The following AGBL4 variants were observed in gnomAD, a reference collection of about 807,000 sequenced individuals.
AGBL4 encodes cytosolic carboxypeptidase 6.
A neutral mutation model predicts 66.4 loss-of-function variants in AGBL4; 58 were observed. The observed-to-expected ratio is 0.87, with a 90% CI of 0.71 to 1.09. AGBL4 has a LOEUF of 1.09. AGBL4 is among the 50% of genes least tolerant of loss of function. The pLI is 0.00. For synonymous variants in AGBL4, 234 were observed against 222.9 expected, an observed-to-expected ratio of 1.05 and a Z score of -0.44; for missense variants, 579 against 631.0, an observed-to-expected ratio of 0.92 and a Z score of 0.88.
intron 3 of AGBL4, among the ~76,000 whole-genome samples, chr1:49,320,772 C>T (rs1645118603): frequency 6.6e-6 from 1 of 152,114 alleles, no homozygotes; most frequent in South Asian, 2.1e-4. Context: ...TATAAAGATA[C>T]TACCTGAGAC....
chr1:48,748,003 A>G (rs979111265), intron 6 of AGBL4, among the ~76,000 whole-genome samples: 2 of 152,132 alleles, frequency 1.3e-5, no homozygotes, highest in African/African-American at 2.4e-5. Context: ...TACAAGTACC[A>G]TCCTATTTTC....
At chr1:48,741,724 T>C (rs1322225166) in intron 6 of AGBL4, among the ~76,000 whole-genome samples, 3 of 152,142 alleles carry the variant, frequency 2.0e-5, no homozygotes, top group Non-Finnish European at 4.4e-5. Flanking sequence ...TGATACTAAA[T>C]AAACAGAGAC....
Position 49,349,594 on chromosome 1 carries a change from T to C in AGBL4, c.283-103730A>G, listed in dbSNP as rs1327058537. Among the ~76,000 whole-genome samples, 6 of 152,196 alleles carry C rather than the reference T, an allele frequency of 3.9e-5. No individual in the cohort carries two copies. The East Asian group carries it at 1.2e-3, about 29-fold the overall frequency. ...TTGTTGACACTATGTACCTCTTCTT[T>C]GTAGCACTTAACAGAATTCGAAATC... On this transcript the variant is annotated intron_variant, in intron 3 of 13. Transcript: ENST00000371839.
chr1:49,953,557 G>A (rs1016938708), intron 1 of AGBL4, among the ~76,000 whole-genome samples: 6 of 151,872 alleles, frequency 4.0e-5, no homozygotes, highest in African/African-American at 1.4e-4. Context: ...AGTACAGGTT[G>A]AGCACGCTTA....
At chr1:49,095,093 A>T (rs1003513204) in intron 4 of AGBL4, among the ~76,000 whole-genome samples, 3 of 152,218 alleles carry the variant, frequency 2.0e-5, no homozygotes, top group Non-Finnish European at 2.9e-5. Context: ...AATTGCTTCA[A>T]AGAGAATAAA....
chr1:49,096,497 T>C (rs1488488621), intron 4 of AGBL4, among the ~76,000 whole-genome samples: 1 of 151,724 alleles, frequency 6.6e-6, no homozygotes, highest in East Asian at 1.9e-4. Flanking sequence ...CACCATGGAA[T>C]ACTATGCAGC....
intron 6 of AGBL4, among the ~76,000 whole-genome samples, chr1:48,701,511 G>C (rs1285797247): frequency 6.6e-6 from 1 of 151,592 alleles, no homozygotes. Context: ...TCCCAGGCTG[G>C]AGTGCAGTGG....
Position 49,681,194 on chromosome 1 carries a change from T to C in AGBL4, c.282+16119A>G, listed in dbSNP as rs188205643. On this transcript the variant is annotated intron_variant, in intron 3 of 13. Transcript: ENST00000371839. The stretch of plus-strand genomic sequence containing the variant: ...TCAGCAGATACTTCTAACTGTGTCA[T>C]CTTAATGTTGGTGTCTGTTGGTTAT... 1.1e-4 allele frequency among the ~76,000 whole-genome samples: 17 copies of C among 152,342 alleles called. No homozygotes were observed. The East Asian group carries it at 3.3e-3, about 29-fold the overall frequency.
At chr1:49,993,519 C>T (rs1660121280) in intron 1 of AGBL4, among the ~76,000 whole-genome samples, 2 of 152,168 alleles carry the variant, frequency 1.3e-5, no homozygotes, top group Non-Finnish European at 1.5e-5. Flanking sequence ...CCAGAATACC[C>T]TTTTCCTTTC....
intron 3 of AGBL4, among the ~76,000 whole-genome samples, chr1:49,285,492 C>T (rs7413470): frequency 0.081 from 12,290 of 151,902 alleles, 710 homozygotes; most frequent in East Asian, 0.16. Flanking sequence ...CATTCAAAAG[C>T]TAGCAGAAGG....
At chr1:48,710,546 C>T (rs1469303801) in intron 6 of AGBL4, among the ~76,000 whole-genome samples, 2 of 152,144 alleles carry the variant, frequency 1.3e-5, no homozygotes, top group Non-Finnish European at 2.9e-5. Flanking sequence ...AGCTAAGAGG[C>T]CAGGCTTTGT....
intron 6 of AGBL4, among the ~76,000 whole-genome samples, chr1:48,823,205 C>G (rs1013525967): frequency 6.6e-6 from 1 of 152,214 alleles, no homozygotes; most frequent in African/African-American, 2.4e-5. Flanking sequence ...ACAGTAGGCA[C>G]AGTCAGGAAG....
At chr1:49,980,302 G>A (rs996108228) in intron 1 of AGBL4, among the ~76,000 whole-genome samples, 3 of 152,016 alleles carry the variant, frequency 2.0e-5, no homozygotes, top group Non-Finnish European at 4.4e-5. Context: ...TTAAGTCTAT[G>A]TACAGTTCAC....
At chr1:48,530,194 T>TA (rs949446322), downstream of AGBL4, among the ~76,000 whole-genome samples, 3 of 151,872 alleles carry the variant, frequency 2.0e-5, no homozygotes, top group African/African-American at 7.3e-5. Flanking sequence ...CACATGGGTG[T>TA]AAAAAAAAGG....
intron 5 of AGBL4, among the ~76,000 whole-genome samples, chr1:49,034,158 AAACT>A (rs1366359028): frequency 1.3e-5 from 2 of 152,110 alleles, no homozygotes; most frequent in Admixed American, 6.6e-5. Context: ...TCATACCATT[AAACT>A]AACCATCAGA....
chr1:49,044,237 T>C (rs6680080), intron 5 of AGBL4, among the ~76,000 whole-genome samples: 102,672 of 151,924 alleles, frequency 0.68, 35,287 homozygotes, highest in African/African-American at 0.75. Flanking sequence ...GTGGCTCACA[T>C]CTGTAATCCC....
At chr1:49,128,515 C>T (rs1272834739) in intron 4 of AGBL4, among the ~76,000 whole-genome samples, 1 of 151,768 alleles carries the variant, frequency 6.6e-6, no homozygotes, top group Non-Finnish European at 1.5e-5. Flanking sequence ...GCATATAGAT[C>T]GATGGAACAG....
intron 3 of AGBL4, among the ~76,000 whole-genome samples, chr1:49,537,262 A>C (rs1651669662): frequency 1.3e-5 from 2 of 152,302 alleles, no homozygotes; most frequent in Admixed American, 6.5e-5. Context: ...AGATCTCAAA[A>C]ACACAGGCAA....
At chr1:49,496,562 T>C (rs1350576912) in intron 3 of AGBL4, among the ~76,000 whole-genome samples, 6 of 121,430 alleles carry the variant, frequency 4.9e-5, no homozygotes, top group Non-Finnish European at 9.7e-5. Flanking sequence ...ACCACTATAC[T>C]AACCTTCACT....
Sources: allele counts gnomAD v4.1 joint callset (sites outside exome capture counted in the v4.1 genomes callset), GRCh38; gene constraint gnomAD v4.1.1; transcripts MANE v1.5; gene names NCBI Gene and HGNC (gene_info 2026-07-23, HGNC 2026-07-21).